CEP170: variants seen among roughly 807,000 people sequenced by gnomAD.
CEP170 encodes the protein centrosomal protein 170, also known as centrosomal protein of 170 kDa.
Under a neutral mutation model 151.9 loss-of-function variants are expected in CEP170, and 21 were observed. The ratio of observed to expected loss-of-function variants is 0.14; its 90% CI spans 0.10 to 0.20. The LOEUF is 0.20. CEP170 is among the 10% of genes least tolerant of loss of function. The pLI is 1.00. For missense variants in CEP170, 964 were observed against 1,892.9 expected, an observed-to-expected ratio of 0.51 and a Z score of 9.11; for synonymous variants, 356 against 648.8, an observed-to-expected ratio of 0.55 and a Z score of 6.86.
At chr1:243,152,521 ATTTT>A (rs371392454) in intron 14 of CEP170, among the ~76,000 whole-genome samples, 1 of 54,954 alleles carries the variant, frequency 1.8e-5, no homozygotes, top group African/African-American at 7.5e-5. Flanking sequence ...GCGCCCAGCC[ATTTT>A]TTTTTTTTTT....
chr1:243,225,445 CT>C (rs2063149811), intron 1 of CEP170, 124 bp from the exon 2 acceptor site: 2 of 469,336 alleles, frequency 4.3e-6, no homozygotes, highest in Admixed American at 4.2e-5. Flanking sequence ...ATTAAATGAA[CT>C]GTCCACAGGT....
rs527449840 is a variant in CEP170, at chr1:243,165,876, T to C, written c.2084A>G (p.Asp695Gly). 3.9e-5 allele frequency: 63 copies of C among 1,613,930 alleles called. No homozygotes were observed. In the South Asian group the frequency reaches 5.4e-4, roughly 14 times the overall value. ...CCTGTTCATTTTACTCAAGGGTCTG[T>C]CAGCATCTTGTTTATCTTTCTGGTA... ...QVYQKDKQDA[D>G]RPLSKMNRAV... Residue 695 changes from aspartate (D) to glycine (G), a missense_variant, in exon 13 of 20, where the codon GAC becomes GGC. Coordinates refer to ENST00000366542, the MANE Select transcript of CEP170 (RefSeq NM_014812.3).
At chr1:243,233,928 A>G (rs997817692) in intron 1 of CEP170, among the ~76,000 whole-genome samples, 2 of 152,042 alleles carry the variant, frequency 1.3e-5, no homozygotes, top group Non-Finnish European at 2.9e-5. Context: ...AAAATAGTGC[A>G]CCATATCACC....
intron 1 of CEP170, among the ~76,000 whole-genome samples, chr1:243,226,897 G>A (rs1244191606): frequency 1.3e-5 from 2 of 152,138 alleles, no homozygotes; most frequent in African/African-American, 4.8e-5. Context: ...GGTGAGGCAC[G>A]GGAATCACTT....
chr1:243,202,450 A>T (rs1474765674), intron 4 of CEP170, among the ~76,000 whole-genome samples: 1 of 152,196 alleles, frequency 6.6e-6, no homozygotes, highest in African/African-American at 2.4e-5. Flanking sequence ...CCCTAAAGCT[A>T]TTGAAATTTC....
chr1:243,176,034 C>A (rs553142200), intron 10 of CEP170, among the ~76,000 whole-genome samples: 1 of 152,168 alleles, frequency 6.6e-6, no homozygotes, highest in Non-Finnish European at 1.5e-5. Context: ...CTGACCTCAT[C>A]ATCTGCCTGC....
intron 10 of CEP170, 130 bp from the exon 11 acceptor site, chr1:243,172,976 T>C: frequency 9.1e-7 from 1 of 1,101,062 alleles, no homozygotes; most frequent in Non-Finnish European, 1.2e-6. Context: ...ATTTCAAAAC[T>C]AAGGAAAACT....
At chr1:243,140,694 G>GAAATGATATAC (rs2055734259) in intron 15 of CEP170, 1 of 152,204 alleles carries the variant, frequency 6.6e-6, no homozygotes, top group Non-Finnish European at 1.5e-5. Context: ...GCCATCTATA[G>GAAATGATATAC]TGCAAATCAC....
chr1:243,182,597 C>T (rs1178192088), intron 10 of CEP170, among the ~76,000 whole-genome samples: 7 of 152,192 alleles, frequency 4.6e-5, no homozygotes, highest in Admixed American at 1.3e-4. Flanking sequence ...CCACTGCCTT[C>T]GGCATTAAAG....
Position 243,191,077 on chromosome 1 carries a change from G to A in CEP170, c.1049C>T (p.Thr350Ile). 4 of 1,611,996 alleles carry A rather than the reference G, an allele frequency of 2.5e-6. No individual in the cohort carries two copies. Among genetic ancestry groups the A allele is most frequent in the Non-Finnish European group, 3.4e-6 (4 of 1,178,820 alleles). Residue 350 changes from threonine to isoleucine, a missense_variant, in exon 8 of 20, where the codon ACA becomes ATA. Transcript: ENST00000366542. ...TTTAATGCTTTTAGAATCCTCTTCT[G>A]TTCTTTCCCATAGCATTTGAGGAGG... ...NNPPQMLWER[T>I]EEDSKSIKSD...
At chr1:243,148,675 C>A (rs555390022) in intron 14 of CEP170, among the ~76,000 whole-genome samples, 1 of 152,228 alleles carries the variant, frequency 6.6e-6, no homozygotes, top group African/African-American at 2.4e-5. Flanking sequence ...GAAGTCCAGG[C>A]AAGAGGCTCA....
intron 4 of CEP170, among the ~76,000 whole-genome samples, chr1:243,205,854 G>A (rs1224096097): frequency 6.6e-6 from 1 of 150,900 alleles, no homozygotes; most frequent in Non-Finnish European, 1.5e-5. Context: ...TTTCCAAATT[G>A]GATTGAAACT....
At chr1:243,227,274 A>AC (rs1469456258) in intron 1 of CEP170, among the ~76,000 whole-genome samples, 1 of 152,088 alleles carries the variant, frequency 6.6e-6, no homozygotes, top group Non-Finnish European at 1.5e-5. Flanking sequence ...GTCAAAAAAA[A>AC]AAAATCCTGT....
chr1:243,154,570 T>C (rs527986772), intron 14 of CEP170, among the ~76,000 whole-genome samples: 1 of 152,290 alleles, frequency 6.6e-6, no homozygotes, highest in African/African-American at 2.4e-5. Flanking sequence ...CTTGAAAAAT[T>C]AAAATCCCAA....
rs148868040 is a variant in CEP170, at chr1:243,198,878, T to C, written c.631+182A>G. On this transcript the variant is annotated intron_variant, in intron 7 of 19. Coordinates refer to ENST00000366542, the MANE Select transcript of CEP170 (RefSeq NM_014812.3). The stretch of plus-strand genomic sequence containing the variant: ...GATATTAAAATTAATACTTTACTTA[T>C]AATCACACATAATTTTAAATTTTAC... Among the ~76,000 whole-genome samples, 1,258 of 151,420 alleles carry C rather than the reference T, an allele frequency of 8.3e-3. 6 individuals are homozygous for C. The highest frequency in any genetic ancestry group is 0.011 in the Non-Finnish European group (760 of 67,848).
At chr1:243,222,512 AT>A (rs2062907098) in intron 2 of CEP170, among the ~76,000 whole-genome samples, 1 of 152,228 alleles carries the variant, frequency 6.6e-6, no homozygotes, top group Admixed American at 6.5e-5. Context: ...GCCTGTGGAA[AT>A]TGGTATTGAA....
In CEP170 at chr1:243,211,890, T is replaced by G. The variant is rs745708774; in HGVS notation, c.270A>C (p.Gly90=). ...CATAAAACCATTTAAGGATATCATA[T>G]CCAAATCTCAGCTTATCTTCAAGTT... ...TLKLEDKLRF[G]YDTNLFTVVQ... Residue 90 remains glycine (G), a synonymous_variant, in exon 4 of 20, where the codon GGA becomes GGC. Coordinates refer to ENST00000366542, the MANE Select transcript of CEP170 (RefSeq NM_014812.3). 3 of 1,600,824 alleles carry G rather than the reference T, an allele frequency of 1.9e-6. No homozygotes were observed. Among genetic ancestry groups the G allele is most frequent in the Middle Eastern group, 1.7e-4 (1 of 5,994 alleles).
intron 10 of CEP170, among the ~76,000 whole-genome samples, chr1:243,179,776 T>C (rs1190501644): frequency 3.9e-5 from 6 of 152,364 alleles, no homozygotes; most frequent in African/African-American, 1.2e-4. Flanking sequence ...TGCCAGACAC[T>C]GTTCTAGACA....
chr1:243,188,259 A>G (rs2060058961), intron 8 of CEP170, among the ~76,000 whole-genome samples: 1 of 152,176 alleles, frequency 6.6e-6, no homozygotes, highest in African/African-American at 2.4e-5. Flanking sequence ...TCACGCACAT[A>G]CAGAAAGATT....
Sources: gnomAD v4.1 joint callset for allele counts (sites outside exome capture counted in the v4.1 genomes callset) on GRCh38, gnomAD v4.1.1 for gene constraint, MANE v1.5 for transcripts, NCBI Gene and HGNC (gene_info 2026-07-23, HGNC 2026-07-21) for gene names.